EBF2: variants seen among roughly 807,000 people sequenced by gnomAD.
The protein encoded by EBF2 is transcription factor COE2.
EBF2 carries 21 observed loss-of-function variants against 72.8 expected under a neutral mutation model. The ratio of observed to expected loss-of-function variants is 0.29; its 90% CI spans 0.20 to 0.42. The LOEUF (loss-of-function observed/expected upper bound fraction) is 0.42. EBF2 is among the 10% of genes least tolerant of loss of function. The probability of loss-of-function intolerance (pLI) is 1.00; values close to 1 mark genes in which losing one functional copy is unlikely to be tolerated. For synonymous variants in EBF2, 299 were observed against 274.2 expected (o/e 1.09, Z -0.89); for missense variants, 637 against 731.2 (o/e 0.87, Z 1.49).
At chr8:26,016,293 A>G (rs1237049613) in intron 6 of EBF2, among the ~76,000 whole-genome samples, 2 of 152,186 alleles carry the variant, frequency 1.3e-5, no homozygotes, top group African/African-American at 2.4e-5. Flanking sequence ...ATCATATTTG[A>G]TTTTAGTGAT....
intron 6 of EBF2, among the ~76,000 whole-genome samples, chr8:25,966,425 T>C (rs1563195003): frequency 6.6e-6 from 1 of 152,170 alleles, no homozygotes; most frequent in East Asian, 1.9e-4. Flanking sequence ...AGGAAATCAC[T>C]TTCCGGACTC....
intron 6 of EBF2, among the ~76,000 whole-genome samples, chr8:25,953,098 G>T (rs1043197152): frequency 7.9e-5 from 12 of 152,202 alleles, no homozygotes; most frequent in African/African-American, 2.9e-4. Flanking sequence ...CTCTAACACA[G>T]CCTGGAGTAG....
intron 6 of EBF2, 74 bp from the exon 7 acceptor site, chr8:25,908,629 G>A: frequency 1.0e-6 from 1 of 992,896 alleles, no homozygotes; most frequent in Non-Finnish European, 1.5e-6. Context: ...CATTCCATTA[G>A]ATTTGATTTG....
intron 6 of EBF2, among the ~76,000 whole-genome samples, chr8:25,987,516 G>T (rs117575147): frequency 2.4e-3 from 359 of 152,178 alleles, no homozygotes; most frequent in Non-Finnish European, 3.9e-3. Flanking sequence ...TTATGTGCTC[G>T]ACACTTTACA....
At chr8:25,952,577 C>T (rs1803880908) in intron 6 of EBF2, among the ~76,000 whole-genome samples, 1 of 152,142 alleles carries the variant, frequency 6.6e-6, no homozygotes. Context: ...CAAATCACTT[C>T]ACCTTCTGGC....
intron 15 of EBF2, among the ~76,000 whole-genome samples, chr8:25,847,158 T>A (rs762468043): frequency 3.9e-5 from 6 of 152,156 alleles, no homozygotes; most frequent in Non-Finnish European, 7.4e-5. Context: ...GGCACTCAGT[T>A]CGGCACCTTG....
At chr8:25,982,347 G>A (rs1318160676) in intron 6 of EBF2, among the ~76,000 whole-genome samples, 1 of 152,212 alleles carries the variant, frequency 6.6e-6, no homozygotes, top group Non-Finnish European at 1.5e-5. Flanking sequence ...GGCTGGGTGG[G>A]ACTGAGCCTG....
intron 6 of EBF2, among the ~76,000 whole-genome samples, chr8:25,916,512 G>T (rs919702740): frequency 6.6e-6 from 1 of 151,934 alleles, no homozygotes; most frequent in Non-Finnish European, 1.5e-5. Flanking sequence ...CCATTTTCCA[G>T]ACAAAATTAT....
At chr8:25,873,751 A>G (rs1316559690) in intron 10 of EBF2, among the ~76,000 whole-genome samples, 2 of 152,256 alleles carry the variant, frequency 1.3e-5, no homozygotes, top group Non-Finnish European at 2.9e-5. Flanking sequence ...ATGGTTAAGG[A>G]GACAACTGTA....
chr8:25,881,674 C>G (rs1802607320), intron 10 of EBF2, among the ~76,000 whole-genome samples: 1 of 152,342 alleles, frequency 6.6e-6, no homozygotes, highest in African/African-American at 2.4e-5. Flanking sequence ...TAAGTTAGGA[C>G]AGGCATTTTT....
At chr8:25,850,469 T>G in intron 15 of EBF2, 125 bp downstream of exon 15, 1 of 1,203,544 alleles carries the variant, frequency 8.3e-7, no homozygotes, top group Non-Finnish European at 1.1e-6. Flanking sequence ...TCATGTCCCA[T>G]GATAAGAACA....
rs192082654 is a variant in EBF2 at position 25,898,275 on chromosome 8, C to T, written c.634-8406G>A. On this transcript the variant is annotated intron_variant, in intron 7 of 15. Coordinates refer to ENST00000520164, the MANE Select transcript of EBF2 (RefSeq NM_022659.4). ...AGACCTTGAAGAACTGGGGGAGTTA[C>T]ACAACTTGAGATTACTGAGATGATT... Among the ~76,000 whole-genome samples the T allele has an allele frequency of 3.1e-3, 467 of 152,140 alleles. 1 individual carries two copies. Among genetic ancestry groups the T allele is most frequent in the Non-Finnish European group, 5.0e-3 (338 of 68,012 alleles).
At chr8:25,896,810 G>A (rs1370420839) in intron 7 of EBF2, among the ~76,000 whole-genome samples, 1 of 152,148 alleles carries the variant, frequency 6.6e-6, no homozygotes, top group Non-Finnish European at 1.5e-5. Flanking sequence ...ACACAGTTTT[G>A]TCTAAGCCTC....
intron 6 of EBF2, among the ~76,000 whole-genome samples, chr8:26,010,079 A>G (rs1804951334): frequency 6.6e-6 from 1 of 152,192 alleles, no homozygotes; most frequent in Non-Finnish European, 1.5e-5. Flanking sequence ...ATCAGAACGG[A>G]AAGTCGGGGG....
intron 6 of EBF2, among the ~76,000 whole-genome samples, chr8:25,931,778 C>A (rs930160883): frequency 1.3e-5 from 2 of 152,116 alleles, no homozygotes; most frequent in African/African-American, 4.8e-5. Context: ...TTGACATGCA[C>A]GCCTCAAGGA....
intron 7 of EBF2, among the ~76,000 whole-genome samples, chr8:25,890,338 T>C (rs933263537): frequency 6.6e-6 from 1 of 152,222 alleles, no homozygotes; most frequent in Non-Finnish European, 1.5e-5. Context: ...GCTGGTGAAT[T>C]GTCTGTGGTG....
Position 25,858,338 on chromosome 8 carries a change from G to A in EBF2, c.1509C>T (p.Pro503=), listed in dbSNP as rs773088496. The change falls in exon 14 of 16, where the codon CCC becomes CCT. Residue 503 remains proline, a synonymous_variant. Transcript: ENST00000520164. ...PGSPGFLNGS[P]TGSPYGIMSS... ...ACTTACTTCCATAAGGAGAGCCGGT[G>A]GGTGAGCCATTTAGAAATCCTGGTG... is the stretch of plus-strand genomic sequence containing the variant. 1.2e-6 allele frequency: 2 copies of A among 1,614,182 alleles called. No individual in the cohort carries two copies. The highest frequency in any genetic ancestry group is 2.2e-5 in the South Asian group (2 of 91,086).
At chr8:25,971,480 A>G (rs1418203225) in intron 6 of EBF2, among the ~76,000 whole-genome samples, 1 of 152,182 alleles carries the variant, frequency 6.6e-6, no homozygotes, top group African/African-American at 2.4e-5. Flanking sequence ...AGAATTGCCC[A>G]GGGCAAGAGC....
intron 6 of EBF2, among the ~76,000 whole-genome samples, chr8:25,925,359 G>T (rs1405134394): frequency 1.3e-5 from 2 of 152,012 alleles, no homozygotes; most frequent in Non-Finnish European, 2.9e-5. Context: ...CAAAAACAGG[G>T]CAATGGGTCA....
Sources: allele counts gnomAD v4.1 joint callset (sites outside exome capture counted in the v4.1 genomes callset), GRCh38; gene constraint gnomAD v4.1.1; transcripts MANE v1.5; gene names NCBI Gene and HGNC (gene_info 2026-07-23, HGNC 2026-07-21).